CLYBL: variants seen among roughly 807,000 people sequenced by gnomAD.
The protein encoded by CLYBL is citramalyl-CoA lyase, mitochondrial.
CLYBL carries 31 observed loss-of-function variants against 38.9 expected under a neutral mutation model. The ratio of observed to expected loss-of-function variants is 0.80; its 90% CI spans 0.60 to 1.08. The LOEUF is 1.08. Among genes scored for constraint, CLYBL ranks in the 50% least tolerant of loss-of-function variants. The pLI, the probability that CLYBL is intolerant of heterozygous loss-of-function variation, is 0.00. For missense variants in CLYBL, 434 were observed against 411.6 expected (o/e 1.05, Z -0.47); for synonymous variants, 171 against 158.6 (o/e 1.08, Z -0.59).
At chr13:99,667,433 CTTTTTTTTTT>C (rs369360327) in intron 1 of CLYBL, among the ~76,000 whole-genome samples, 1 of 127,818 alleles carries the variant, frequency 7.8e-6, no homozygotes, top group African/African-American at 2.9e-5. Flanking sequence ...AAGAATCTTG[CTTTTTTTTTT>C]TTTTTTTTTT....
At chr13:99,775,149 G>C (rs996328597) in intron 2 of CLYBL, among the ~76,000 whole-genome samples, 2 of 152,162 alleles carry the variant, frequency 1.3e-5, no homozygotes, top group African/African-American at 4.8e-5. Context: ...GAGCCATTAG[G>C]TGCCCTGATA....
intron 2 of CLYBL, among the ~76,000 whole-genome samples, chr13:99,812,517 T>A (rs1336369894): frequency 2.0e-5 from 3 of 152,180 alleles, no homozygotes; most frequent in East Asian, 3.9e-4. Flanking sequence ...TGGGCAGGAC[T>A]TTTCTCCTCC....
chr13:99,739,762 T>G (rs2048721946), intron 1 of CLYBL, among the ~76,000 whole-genome samples: 2 of 152,144 alleles, frequency 1.3e-5, no homozygotes, highest in South Asian at 4.1e-4. Context: ...TCACCTGAGG[T>G]CGGGAGTTCC....
intron 2 of CLYBL, among the ~76,000 whole-genome samples, chr13:99,854,976 A>G (rs1386491176): frequency 6.6e-6 from 1 of 152,138 alleles, no homozygotes; most frequent in Non-Finnish European, 1.5e-5. Context: ...TGGGAACACC[A>G]TTTTTTAGAA....
intron 1 of CLYBL, among the ~76,000 whole-genome samples, chr13:99,740,407 C>T (rs866065303): frequency 6.6e-6 from 1 of 152,212 alleles, no homozygotes; most frequent in Non-Finnish European, 1.5e-5. Flanking sequence ...CCCACTCACT[C>T]GCTGGCTTGG....
At chr13:99,655,248 G>A (rs183073518) in intron 1 of CLYBL, among the ~76,000 whole-genome samples, 140 of 152,012 alleles carry the variant, frequency 9.2e-4, no homozygotes, top group African/African-American at 3.1e-3. Flanking sequence ...GCTAATTTTT[G>A]TATTTTTAGT....
chr13:99,772,018 ATCTTG>A (rs2049405684), intron 1 of CLYBL, among the ~76,000 whole-genome samples: 1 of 152,202 alleles, frequency 6.6e-6, no homozygotes, highest in South Asian at 2.1e-4. Context: ...GAACCAGTCT[ATCTTG>A]TCTTGTTAAA....
chr13:99,826,109 G>C (rs912369441), intron 2 of CLYBL, among the ~76,000 whole-genome samples: 1 of 152,214 alleles, frequency 6.6e-6, no homozygotes, highest in Non-Finnish European at 1.5e-5. Flanking sequence ...TCAATTTTAA[G>C]TGTCAACTTA....
chr13:99,616,990 T>C (rs532507791), intron 1 of CLYBL, among the ~76,000 whole-genome samples: 2 of 151,918 alleles, frequency 1.3e-5, no homozygotes, highest in South Asian at 4.1e-4. Flanking sequence ...AATAATATAA[T>C]AAAGGAATGA....
At chr13:99,861,661 A>T (rs1376091509) in intron 3 of CLYBL, among the ~76,000 whole-genome samples, 4 of 152,062 alleles carry the variant, frequency 2.6e-5, no homozygotes, top group Non-Finnish European at 5.9e-5. Context: ...TGCCCTTTGA[A>T]GGGGGGGCAG....
chr13:99,858,915 A>T lies in CLYBL; in HGVS notation c.304A>T (p.Thr102Ser). The change falls in exon 3 of 9, where the codon ACT becomes TCT. Residue 102 changes from threonine to serine, a missense_variant. Thr to Ser is a moderately conservative substitution (Grantham distance 58, BLOSUM62 1). Coordinates refer to ENST00000339105, the MANE Select transcript of CLYBL (RefSeq NM_206808.5). Reference protein sequence around the residue: ...KTLEDIDLGPTEKCVRVNSVS... With the variant: ...KTLEDIDLGPSEKCVRVNSVS... The stretch of plus-strand genomic sequence containing the variant: ...TCTTGAAGACATTGATCTGGGCCCT[A>T]CTGAAAAATGTGTGAGAGTCAACTC... The T allele has an allele frequency of 1.9e-6, 3 of 1,613,984 alleles. No individual in the cohort carries two copies. Among genetic ancestry groups the T allele is most frequent in the Non-Finnish European group, 2.5e-6 (3 of 1,179,874 alleles).
At chr13:99,860,657 G>T (rs550529672) in intron 3 of CLYBL, among the ~76,000 whole-genome samples, 48 of 152,252 alleles carry the variant, frequency 3.2e-4, no homozygotes, top group Admixed American at 2.8e-3. Flanking sequence ...CCAGCCTTCC[G>T]CTATGGCTTC....
chr13:99,676,411 A>G (rs1459540453), intron 1 of CLYBL, among the ~76,000 whole-genome samples: 1 of 147,662 alleles, frequency 6.8e-6, no homozygotes, highest in Non-Finnish European at 1.5e-5. Flanking sequence ...ATTTGTTCTC[A>G]TGTCTTAGCC....
intron 1 of CLYBL, among the ~76,000 whole-genome samples, chr13:99,743,386 C>A (rs575526689): frequency 6.6e-6 from 1 of 152,200 alleles, no homozygotes; most frequent in African/African-American, 2.4e-5. Flanking sequence ...TCTTCACTTG[C>A]GTATAAAGAA....
intron 2 of CLYBL, among the ~76,000 whole-genome samples, chr13:99,775,252 G>A (rs2049487251): frequency 6.6e-6 from 1 of 152,154 alleles, no homozygotes; most frequent in South Asian, 2.1e-4. Context: ...TGGAAATATA[G>A]TCTATTTCTG....
chr13:99,646,918 C>T (rs1462113715), intron 1 of CLYBL, among the ~76,000 whole-genome samples: 2 of 152,204 alleles, frequency 1.3e-5, no homozygotes, highest in Non-Finnish European at 2.9e-5. Context: ...TCAGTACCTT[C>T]TGTGCCAGAC....
chr13:99,742,732 C>T (rs750482909), intron 1 of CLYBL, among the ~76,000 whole-genome samples: 12 of 152,286 alleles, frequency 7.9e-5, no homozygotes, highest in Non-Finnish European at 1.5e-4. Flanking sequence ...TTTGAATTTT[C>T]GGAAAGCCTT....
Position 99,800,799 on chromosome 13 carries a change from A to G in CLYBL, c.249+27789A>G, listed in dbSNP as rs375059323. Among the ~76,000 whole-genome samples, 6 of 151,672 alleles carry G rather than the reference A, an allele frequency of 4.0e-5. No homozygotes were observed. The East Asian group carries it at 9.7e-4, about 25-fold the overall frequency. ...TGAGGCAGGAGAATCGCGTGAGCCC[A>G]GGAGGCAGAGGTTGCAGTGAGCCAA... On this transcript the variant is annotated intron_variant, in intron 2 of 8. Transcript: ENST00000339105.
At chr13:99,787,672 T>G (rs1367854444) in intron 2 of CLYBL, among the ~76,000 whole-genome samples, 15 of 152,242 alleles carry the variant, frequency 9.9e-5, no homozygotes, top group Admixed American at 9.2e-4. Flanking sequence ...AGGATTGACT[T>G]GGCGATGCGG....
Sources: gnomAD v4.1 joint callset for allele counts (sites outside exome capture counted in the v4.1 genomes callset) on GRCh38, gnomAD v4.1.1 for gene constraint, MANE v1.5 for transcripts, NCBI Gene and HGNC (gene_info 2026-07-23, HGNC 2026-07-21) for gene names.